VRK1: variants seen among roughly 807,000 people sequenced by gnomAD.
VRK1 encodes VRK serine/threonine kinase 1, also known as serine/threonine-protein kinase VRK1.
VRK1 carries 33 observed loss-of-function variants against 57.1 expected under a neutral mutation model. The ratio of observed to expected loss-of-function variants is 0.58; its 90% CI spans 0.44 to 0.77. VRK1 has a LOEUF of 0.77. Among genes scored for constraint, VRK1 ranks in the 30% least tolerant of loss-of-function variants. VRK1 has a pLI of 0.00. For missense variants in VRK1, 413 were observed against 477.3 expected, an observed-to-expected ratio of 0.87 and a Z score of 1.25; for synonymous variants, 137 against 147.8, an observed-to-expected ratio of 0.93 and a Z score of 0.53.
intron 11 of VRK1, among the ~76,000 whole-genome samples, chr14:96,866,115 G>A (rs180756547): frequency 6.7e-4 from 101 of 151,766 alleles, no homozygotes; most frequent in African/African-American, 2.3e-3. Context: ...TTCTTTGTTC[G>A]TGTGCTTATT....
chr14:96,841,959 C>T (rs1164276081), intron 3 of VRK1, among the ~76,000 whole-genome samples: 1 of 152,066 alleles, frequency 6.6e-6, no homozygotes, highest in Non-Finnish European at 1.5e-5. Context: ...CCTGAATAAA[C>T]ACCTACAGCA....
intron 4 of VRK1, 82 bp from the exon 5 acceptor site, chr14:96,847,175 A>G: frequency 4.6e-6 from 5 of 1,075,830 alleles, no homozygotes; most frequent in African/African-American, 1.6e-5. Flanking sequence ...ATGTATAAAT[A>G]CATTTTGCTC....
intron 11 of VRK1, 101 bp from the exon 12 acceptor site, chr14:96,875,929 C>A (rs1002092363): frequency 1.6e-6 from 2 of 1,252,898 alleles, no homozygotes; most frequent in East Asian, 2.4e-5. Flanking sequence ...CACACCCACA[C>A]CTATATACAT....
At chr14:96,845,914 T>C (rs937307009) in intron 3 of VRK1, among the ~76,000 whole-genome samples, 181 bp from the exon 4 acceptor site, 1 of 152,194 alleles carries the variant, frequency 6.6e-6, no homozygotes, top group African/African-American at 2.4e-5. Flanking sequence ...ATAAGAAATA[T>C]AGACTAATAT....
chr14:96,797,804 C>A (rs973381491), intron 1 of VRK1, among the ~76,000 whole-genome samples: 1 of 152,224 alleles, frequency 6.6e-6, no homozygotes, highest in Non-Finnish European at 1.5e-5. Flanking sequence ...TTCTGTCAGG[C>A]GGGGCTCCGG....
intron 11 of VRK1, among the ~76,000 whole-genome samples, chr14:96,875,340 A>T (rs1888983206): frequency 6.6e-6 from 1 of 152,200 alleles, no homozygotes; most frequent in Admixed American, 6.5e-5. Flanking sequence ...ATAACACTTC[A>T]CTAGAAAAAT....
At chr14:96,800,347 G>T (rs1168063212) in intron 1 of VRK1, among the ~76,000 whole-genome samples, 1 of 151,978 alleles carries the variant, frequency 6.6e-6, no homozygotes, top group Non-Finnish European at 1.5e-5. Context: ...TCCCAATGTT[G>T]TCTTAAATCT....
In VRK1 at chr14:96,876,204, G is replaced by A. The variant is rs1889026326; in HGVS notation, c.1159+84G>A. On this transcript the variant is annotated intron_variant, in intron 12 of 12. Transcript: ENST00000216639. ...CCATTAGATGAGGGGTCAACTATTT[G>A]GGTCATGACCTTTTGATTTTATAAT... The A allele has an allele frequency of 2.7e-5, 35 of 1,282,906 alleles. 1 individual carries two copies. The South Asian group carries it at 4.0e-4, about 15-fold the overall frequency. The allele number at this position is 1,282,906 out of a possible 1,614,324, so 79.5% of individuals were successfully genotyped here.
At chr14:96,866,096 C>G (rs556547130) in intron 11 of VRK1, among the ~76,000 whole-genome samples, 1 of 151,882 alleles carries the variant, frequency 6.6e-6, no homozygotes, top group Non-Finnish European at 1.5e-5. Context: ...CTTTTCTTGT[C>G]TCCTGGTATT....
At chr14:96,856,970 A>G (rs1164685148) in intron 10 of VRK1, among the ~76,000 whole-genome samples, 1 of 115,192 alleles carries the variant, frequency 8.7e-6, no homozygotes, top group African/African-American at 2.7e-5. Flanking sequence ...TCCGTCTCAG[A>G]AAAAAAAATA....
intron 5 of VRK1, among the ~76,000 whole-genome samples, chr14:96,852,524 C>T (rs372430200): frequency 6.6e-6 from 1 of 152,040 alleles, no homozygotes; most frequent in Non-Finnish European, 1.5e-5. Flanking sequence ...TTTTATTCAG[C>T]TTGTTTTATT....
At position 96,855,369 on chromosome 14, in the gene VRK1, T is replaced by A. The variant is rs1199478313; in HGVS notation, c.709+13T>A. The A allele has an allele frequency of 1.2e-6, 2 of 1,613,902 alleles. No individual in the cohort carries two copies. The highest frequency in any genetic ancestry group is 1.1e-5 in the South Asian group (1 of 91,090). On this transcript the variant is annotated intron_variant, in intron 8 of 12. Coordinates refer to ENST00000216639, the MANE Select transcript of VRK1 (RefSeq NM_003384.3). ...CACAATGGCGTGGGTATGTCAGTAGTACTGGAGTGAGAAATAGACTGCTAA... is the reference window on the plus strand; with the variant it reads ...CACAATGGCGTGGGTATGTCAGTAGAACTGGAGTGAGAAATAGACTGCTAA...
intron 5 of VRK1, among the ~76,000 whole-genome samples, chr14:96,847,793 T>C (rs1887775573): frequency 6.6e-6 from 1 of 152,226 alleles, no homozygotes; most frequent in African/African-American, 2.4e-5. Context: ...TCACCCTTTA[T>C]GAGGGTTTTA....
At chr14:96,813,285 A>G (rs1458849723) in intron 1 of VRK1, among the ~76,000 whole-genome samples, 2 of 152,212 alleles carry the variant, frequency 1.3e-5, no homozygotes, top group Non-Finnish European at 2.9e-5. Context: ...TATAGGCAGA[A>G]TTAGATTCTT....
rs911933218 is a variant in VRK1, at chr14:96,876,066, G to T, written c.1105G>T (p.Gly369Cys). 6.2e-7 allele frequency: 1 copy of T among 1,613,520 alleles called. No individual in the cohort carries two copies. Among genetic ancestry groups the T allele is most frequent in the African/African-American group, 1.3e-5 (1 of 74,888 alleles). ...AGAAATTGAAGAAAGCAAGGAACCT[G>T]GTGTTGAAGATACGGAATGGTCAAA... The part of the protein sequence containing the change: ...KKEIEESKEP[G>C]VEDTEWSNTQ... The change falls in exon 12 of 13, where the codon GGT becomes TGT. Residue 369 changes from glycine to cysteine, a missense_variant. Coordinates refer to ENST00000216639, the MANE Select transcript of VRK1 (RefSeq NM_003384.3).
At chr14:96,877,426 C>T in intron 12 of VRK1, 1 of 1,167,270 alleles carries the variant, frequency 8.6e-7, no homozygotes, top group Non-Finnish European at 1.1e-6. Context: ...TAGTCCCTCT[C>T]TTTTTCCCGC....
intron 11 of VRK1, among the ~76,000 whole-genome samples, chr14:96,867,542 G>A (rs1442598585): frequency 6.6e-6 from 1 of 151,726 alleles, no homozygotes; most frequent in Non-Finnish European, 1.5e-5. Context: ...GTACTTGGCA[G>A]ACCTTTTTCA....
At chr14:96,823,798 T>G (rs1886696051) in intron 1 of VRK1, among the ~76,000 whole-genome samples, 1 of 152,224 alleles carries the variant, frequency 6.6e-6, no homozygotes, top group African/African-American at 2.4e-5. Context: ...AGCCTCTGGC[T>G]TATTTCACTT....
chr14:96,809,824 C>T lies in VRK1; in HGVS notation c.-6+12377C>T, dbSNP rs550540544. On this transcript the variant is annotated intron_variant, in intron 1 of 12. Transcript: ENST00000216639. ...CTGACCTCAAGTGATCTGCCTGCTT[C>T]GGCCTCCCTAAGCGCTGGGGTTACA... is the stretch of plus-strand genomic sequence containing the variant. Among the ~76,000 whole-genome samples, 18 of 152,212 alleles carry T rather than the reference C, an allele frequency of 1.2e-4. No individual in the cohort carries two copies. In the South Asian group the frequency reaches 1.9e-3, roughly 16 times the overall value.
Sources: allele counts gnomAD v4.1 joint callset (sites outside exome capture counted in the v4.1 genomes callset), GRCh38; gene constraint gnomAD v4.1.1; transcripts MANE v1.5; gene names NCBI Gene and HGNC (gene_info 2026-07-23, HGNC 2026-07-21).